KIAA1671: variants seen among roughly 807,000 people sequenced by gnomAD.
KIAA1671 encodes uncharacterized protein KIAA1671.
Under a neutral mutation model 131.2 loss-of-function variants are expected in KIAA1671, and 52 were observed. The ratio of observed to expected loss-of-function variants is 0.40; its 90% CI spans 0.32 to 0.50. The LOEUF (loss-of-function observed/expected upper bound fraction) is 0.50. KIAA1671 is among the 20% of genes least tolerant of loss of function. KIAA1671 has a pLI of 0.73. For synonymous variants in KIAA1671, 1,003 were observed against 961.6 expected, an observed-to-expected ratio of 1.04 and a Z score of -0.80; for missense variants, 2,360 against 2,364.2, an observed-to-expected ratio of 1.00 and a Z score of 0.04.
At chr22:25,119,502 G>A (rs1931834811) in intron 6 of KIAA1671, among the ~76,000 whole-genome samples, 1 of 152,236 alleles carries the variant, frequency 6.6e-6, no homozygotes, top group Non-Finnish European at 1.5e-5. Flanking sequence ...GTGCTCAGTA[G>A]AGGAGAAAAC....
chr22:25,124,157 G>A (rs889241685), intron 6 of KIAA1671, among the ~76,000 whole-genome samples: 2 of 152,192 alleles, frequency 1.3e-5, no homozygotes, highest in East Asian at 3.9e-4. Context: ...CTCCCAGCAT[G>A]GGATGGAATT....
At chr22:25,036,840 C>T (rs1331173907) in intron 4 of KIAA1671, among the ~76,000 whole-genome samples, 3 of 152,112 alleles carry the variant, frequency 2.0e-5, no homozygotes, top group Admixed American at 1.3e-4. Context: ...AGGAGAATCA[C>T]TTGAATCTGG....
chr22:25,077,960 TG>T (rs1292092654), intron 6 of KIAA1671, among the ~76,000 whole-genome samples: 1 of 152,202 alleles, frequency 6.6e-6, no homozygotes, highest in Non-Finnish European at 1.5e-5. Context: ...TGCCTCAGTG[TG>T]TGGGATCTTG....
At chr22:25,047,438 G>A (rs1166989943) in intron 5 of KIAA1671, among the ~76,000 whole-genome samples, 6 of 147,488 alleles carry the variant, frequency 4.1e-5, no homozygotes, top group African/African-American at 1.2e-4. Flanking sequence ...GGCGTGAGCC[G>A]CCACCACCAC....
chr22:25,040,724 T>C lies in KIAA1671; in HGVS notation c.3594T>C (p.Val1198=). 1 of 1,551,990 alleles carries C rather than the reference T, an allele frequency of 6.4e-7. No homozygotes were observed. The highest frequency in any genetic ancestry group is 8.7e-7 in the Non-Finnish European group (1 of 1,147,074). ...GKIRDGYRSS[V]LDIDALMAEY... ...TCAGAGATGGCTACAGATCCAGCGT[T>C]CTTGACATTGACGCCCTGATGGCAG... is the stretch of plus-strand genomic sequence containing the variant. The change falls in exon 5 of 13, where the codon GTT becomes GTC. Residue 1198 remains valine, a synonymous_variant. Transcript: ENST00000358431.
intron 6 of KIAA1671, among the ~76,000 whole-genome samples, chr22:25,085,783 A>AAGGGAGGG (rs201721547): frequency 8.4e-5 from 9 of 107,360 alleles, no homozygotes; most frequent in Non-Finnish European, 1.6e-4. Flanking sequence ...GGAAGGGAGG[A>AAGGGAGGG]AGGGAGGGAG....
At chr22:24,992,814 C>CAAAAAAAAAAAAAAAAAAAAAAAAAAAA (rs761181079) in intron 1 of KIAA1671, among the ~76,000 whole-genome samples, 1 of 57,382 alleles carries the variant, frequency 1.7e-5, no homozygotes. Flanking sequence ...GACTCCGTCT[C>CAAAAAAAAAAAAAAAAAAAAAAAAAAAA]AAAAAAAAAA....
chr22:24,997,216 A>C (rs1330729318), intron 1 of KIAA1671, among the ~76,000 whole-genome samples: 2 of 152,186 alleles, frequency 1.3e-5, no homozygotes, highest in African/African-American at 4.8e-5. Context: ...GTCACAAAGA[A>C]ACAGAGAGTT....
chr22:25,107,074 G>A (rs1184499121), intron 6 of KIAA1671, among the ~76,000 whole-genome samples: 2 of 152,074 alleles, frequency 1.3e-5, no homozygotes, highest in East Asian at 3.9e-4. Context: ...AATTATATAG[G>A]AAAACACCCA....
At chr22:25,017,998 G>A (rs1925427733) in intron 1 of KIAA1671, among the ~76,000 whole-genome samples, 1 of 151,942 alleles carries the variant, frequency 6.6e-6, no homozygotes, top group Non-Finnish European at 1.5e-5. Flanking sequence ...CTTTGCATAT[G>A]TGTTTCCTCT....
chr22:25,062,902 G>T (rs1928248940), intron 6 of KIAA1671: 1 of 148,926 alleles, frequency 6.7e-6, no homozygotes, highest in Non-Finnish European at 1.5e-5. Context: ...ACTCTTAAGG[G>T]CTCTGTGGGT....
At chr22:25,154,355 C>T (rs1372785910) in intron 6 of KIAA1671, among the ~76,000 whole-genome samples, 3 of 152,214 alleles carry the variant, frequency 2.0e-5, no homozygotes, top group East Asian at 3.9e-4. Flanking sequence ...CCATATGATG[C>T]GCAGATAATC....
At chr22:25,035,054 T>C (rs1258497542) in intron 4 of KIAA1671, among the ~76,000 whole-genome samples, 3 of 134,344 alleles carry the variant, frequency 2.2e-5, no homozygotes, top group Non-Finnish European at 3.2e-5. Context: ...TTTTTTTTTT[T>C]TCTAATTTTT....
chr22:25,167,473 A>G (rs1933684345), intron 6 of KIAA1671, among the ~76,000 whole-genome samples: 1 of 152,256 alleles, frequency 6.6e-6, no homozygotes, highest in Non-Finnish European at 1.5e-5. Context: ...AAGATGCTGC[A>G]TCCGAAAAGT....
At chr22:25,005,346 TAAAAA>T (rs569086369) in intron 1 of KIAA1671, among the ~76,000 whole-genome samples, 1 of 111,508 alleles carries the variant, frequency 9.0e-6, no homozygotes. Context: ...AGACTCCATC[TAAAAA>T]AAAAAAAAAA....
chr22:25,040,254 G>A lies in KIAA1671; in HGVS notation c.3124G>A (p.Gly1042Ser). Residue 1042 changes from glycine to serine, a missense_variant, in exon 5 of 13, where the codon GGT becomes AGT. Transcript: ENST00000358431. The part of the protein sequence containing the change: ...YQIPNTQKAK[G>S]VVLSGAESLL... Reference sequence around the variant, plus strand: ...GATTCCCAATACTCAAAAGGCAAAGGGTGTGGTTCTGTCAGGAGCTGAAAG... The same window carrying A: ...GATTCCCAATACTCAAAAGGCAAAGAGTGTGGTTCTGTCAGGAGCTGAAAG... 3 of 1,551,664 alleles carry A rather than the reference G, an allele frequency of 1.9e-6. No individual in the cohort carries two copies. Among genetic ancestry groups the A allele is most frequent in the Non-Finnish European group, 2.6e-6 (3 of 1,146,998 alleles).
chr22:25,004,817 G>T lies in KIAA1671; in HGVS notation c.-207-20816G>T, dbSNP rs566234857. ...AAAAATTAGCCGGGCGTGGTGGCGG[G>T]CACCTGTAGTCCCAGCTACTCGGGA... On this transcript the variant is annotated intron_variant, in intron 1 of 12. Coordinates refer to ENST00000358431, the MANE Select transcript of KIAA1671 (RefSeq NM_001145206.2). Among the ~76,000 whole-genome samples the T allele has an allele frequency of 2.0e-5, 3 of 151,724 alleles. No homozygotes were observed. In the South Asian group the frequency reaches 6.3e-4, roughly 32 times the overall value.
chr22:25,086,138 T>C (rs1929709736), intron 6 of KIAA1671, among the ~76,000 whole-genome samples: 1 of 152,224 alleles, frequency 6.6e-6, no homozygotes, highest in African/African-American at 2.4e-5. Flanking sequence ...CAAGTGCTCA[T>C]TAATCATTTA....
intron 4 of KIAA1671, among the ~76,000 whole-genome samples, chr22:25,036,944 T>TA (rs925309151): frequency 1.3e-5 from 2 of 151,428 alleles, no homozygotes; most frequent in African/African-American, 2.4e-5. Context: ...AAATAAAAAA[T>TA]AAAAAAAGCT....
Sources: allele counts gnomAD v4.1 joint callset (sites outside exome capture counted in the v4.1 genomes callset), GRCh38; gene constraint gnomAD v4.1.1; transcripts MANE v1.5; gene names NCBI Gene and HGNC (gene_info 2026-07-23, HGNC 2026-07-21).